The following CNTNAP2 variants were observed in gnomAD, a reference collection of about 807,000 sequenced individuals.
CNTNAP2 encodes the protein contactin associated protein 2.
A neutral mutation model predicts 155.2 loss-of-function variants in CNTNAP2; 98 were observed. The observed-to-expected ratio is 0.63, with a 90% CI of 0.54 to 0.75. CNTNAP2 has a LOEUF of 0.75. CNTNAP2 is among the 30% of genes least tolerant of loss of function. The probability of loss-of-function intolerance (pLI) is 0.00; values close to 1 mark genes in which losing one functional copy is unlikely to be tolerated. For missense variants in CNTNAP2, 1,727 were observed against 1,688.1 expected (o/e 1.02, Z -0.40); for synonymous variants, 651 against 631.2 (o/e 1.03, Z -0.47).
At chr7:146,489,312 G>A (rs1797104674) in intron 1 of CNTNAP2, among the ~76,000 whole-genome samples, 1 of 152,104 alleles carries the variant, frequency 6.6e-6, no homozygotes, top group South Asian at 2.1e-4. Flanking sequence ...TTGAAAATGA[G>A]TAGGAAATCA....
At chr7:146,552,149 T>C (rs1010280036) in intron 1 of CNTNAP2, among the ~76,000 whole-genome samples, 1 of 152,132 alleles carries the variant, frequency 6.6e-6, no homozygotes, top group Non-Finnish European at 1.5e-5. Flanking sequence ...ACTATTATTA[T>C]ATATTCATTA....
intron 17 of CNTNAP2, among the ~76,000 whole-genome samples, chr7:148,161,302 A>G (rs1420496841): frequency 6.6e-6 from 1 of 152,154 alleles, no homozygotes; most frequent in African/African-American, 2.4e-5. Flanking sequence ...CTTATTTCGC[A>G]GTGCTTGCTG....
intron 3 of CNTNAP2, among the ~76,000 whole-genome samples, chr7:146,877,319 T>C (rs1795449118): frequency 1.2e-5 from 1 of 80,126 alleles, no homozygotes; most frequent in Admixed American, 1.5e-4. Flanking sequence ...CTGGGTAACA[T>C]AGTGAGACCC....
At chr7:146,965,601 G>T (rs961665537) in intron 3 of CNTNAP2, among the ~76,000 whole-genome samples, 5 of 151,996 alleles carry the variant, frequency 3.3e-5, no homozygotes, top group Admixed American at 6.6e-5. Flanking sequence ...GGATGGTTTT[G>T]AATGCAAAGA....
chr7:146,633,192 A>G (rs1448642978), intron 1 of CNTNAP2, among the ~76,000 whole-genome samples: 1 of 152,152 alleles, frequency 6.6e-6, no homozygotes, highest in Admixed American at 6.6e-5. Context: ...TTCAGACTAG[A>G]TGGATTTCTA....
At chr7:146,901,865 T>A (rs994923382) in intron 3 of CNTNAP2, among the ~76,000 whole-genome samples, 8 of 148,310 alleles carry the variant, frequency 5.4e-5, no homozygotes, top group African/African-American at 2.0e-4. Context: ...CTTGCATATA[T>A]GCTCCTTTTT....
At chr7:147,450,886 A>C (rs1424116784) in intron 10 of CNTNAP2, among the ~76,000 whole-genome samples, 3 of 152,182 alleles carry the variant, frequency 2.0e-5, no homozygotes, top group Non-Finnish European at 1.5e-5. Context: ...ACTGGACATT[A>C]ATTCCTTATA....
intron 1 of CNTNAP2, among the ~76,000 whole-genome samples, chr7:146,693,893 A>C (rs1202276709): frequency 6.6e-6 from 1 of 150,758 alleles, no homozygotes; most frequent in East Asian, 2.0e-4. Flanking sequence ...CCATGACCCC[A>C]TCCCCCGACC....
intron 22 of CNTNAP2, among the ~76,000 whole-genome samples, chr7:148,393,226 G>T (rs2717790): frequency 0.99 from 151,085 of 152,346 alleles, 74,932 homozygotes; most frequent in East Asian, 1. Context: ...AATTACATCT[G>T]AATTATTTCT....
intron 9 of CNTNAP2, among the ~76,000 whole-genome samples, chr7:147,326,441 A>G (rs779865855): frequency 6.6e-6 from 1 of 152,232 alleles, no homozygotes; most frequent in Non-Finnish European, 1.5e-5. Flanking sequence ...TCATTCATGC[A>G]TCAATGAACA....
At chr7:147,296,428 A>G (rs1032665916) in intron 8 of CNTNAP2, among the ~76,000 whole-genome samples, 1 of 152,242 alleles carries the variant, frequency 6.6e-6, no homozygotes, top group Non-Finnish European at 1.5e-5. Context: ...GTTAACTTCA[A>G]GAATAAGCCT....
chr7:146,138,139 T>G (rs2116751187), intron 1 of CNTNAP2, among the ~76,000 whole-genome samples: 1 of 152,264 alleles, frequency 6.6e-6, no homozygotes, highest in South Asian at 2.1e-4. Flanking sequence ...ACTATAAAAC[T>G]TTAAGTATAA....
At chr7:146,876,713 G>A (rs567773994) in intron 3 of CNTNAP2, among the ~76,000 whole-genome samples, 5 of 152,136 alleles carry the variant, frequency 3.3e-5, no homozygotes, top group South Asian at 2.1e-4. Context: ...TTGGATCAAC[G>A]ATACAATAAT....
intron 12 of CNTNAP2, among the ~76,000 whole-genome samples, chr7:147,574,913 C>A (rs1436618303): frequency 6.6e-6 from 1 of 152,138 alleles, no homozygotes; most frequent in Non-Finnish European, 1.5e-5. Flanking sequence ...AGCCTTAATG[C>A]AGTTCTCCTT....
At chr7:146,445,699 A>G (rs1796392950) in intron 1 of CNTNAP2, among the ~76,000 whole-genome samples, 1 of 152,170 alleles carries the variant, frequency 6.6e-6, no homozygotes, top group Non-Finnish European at 1.5e-5. Context: ...AGCATTTTCA[A>G]AATCTGTATC....
intron 1 of CNTNAP2, among the ~76,000 whole-genome samples, chr7:146,747,197 T>A (rs1801823510): frequency 6.6e-6 from 1 of 152,302 alleles, no homozygotes; most frequent in African/African-American, 2.4e-5. Context: ...ATTTTCCTAA[T>A]ATCTAATAAA....
chr7:147,913,407 A>C (rs1197274198), intron 14 of CNTNAP2, among the ~76,000 whole-genome samples: 1 of 152,216 alleles, frequency 6.6e-6, no homozygotes, highest in African/African-American at 2.4e-5. Context: ...TTTTACCCTC[A>C]GTGACAACAC....
chr7:147,272,244 A>G (rs1394510372), intron 8 of CNTNAP2, among the ~76,000 whole-genome samples: 1 of 152,064 alleles, frequency 6.6e-6, no homozygotes, highest in Non-Finnish European at 1.5e-5. Context: ...CCTTCTCCAT[A>G]ACAAACTTCT....
intron 9 of CNTNAP2, among the ~76,000 whole-genome samples, chr7:147,340,722 A>G (rs1020717255): frequency 1.3e-5 from 2 of 152,092 alleles, no homozygotes; most frequent in African/African-American, 2.4e-5. Flanking sequence ...ATTTTCTTTC[A>G]TATATTTAAA....
Sources: allele counts gnomAD v4.1 joint callset (sites outside exome capture counted in the v4.1 genomes callset), GRCh38; gene constraint gnomAD v4.1.1; transcripts MANE v1.5; gene names NCBI Gene and HGNC (gene_info 2026-07-23, HGNC 2026-07-21).